Variants in PLCB2 observed in about 807,000 individuals in gnomAD.
The protein encoded by PLCB2 is 1-phosphatidylinositol 4,5-bisphosphate phosphodiesterase beta-2.
In PLCB2, 115 loss-of-function variants were observed where a neutral mutation model predicts 141.7. That is an observed-to-expected ratio of 0.81 (90% confidence interval 0.70 to 0.95). The LOEUF (loss-of-function observed/expected upper bound fraction) is 0.95, where lower values mean the gene tolerates loss of function less well. Among genes scored for constraint, PLCB2 ranks in the 40% least tolerant of loss-of-function variants. The pLI, the probability that PLCB2 is intolerant of heterozygous loss-of-function variation, is 0.00. For synonymous variants in PLCB2, 603 were observed against 595.6 expected, an observed-to-expected ratio of 1.01 and a Z score of -0.18; for missense variants, 1,403 against 1,541.1, an observed-to-expected ratio of 0.91 and a Z score of 1.50.
Position 40,297,479 on chromosome 15 carries a change from C to T in PLCB2, c.1323+42G>A, listed in dbSNP as rs777597910. ...CTGGTTCTCACCCTGCCCCAGGTTCCCAGGCCCAAGGCTCAAATGTCCCAC... is the reference window on the plus strand; with the variant it reads ...CTGGTTCTCACCCTGCCCCAGGTTCTCAGGCCCAAGGCTCAAATGTCCCAC... On this transcript the variant is annotated intron_variant, in intron 13 of 31. Transcript: ENST00000260402. The surrounding 1 kb of genome is among the most constrained non-coding windows in gnomAD (Gnocchi z 4.2). 1.2e-5 allele frequency: 18 copies of T among 1,507,678 alleles called. No individual in the cohort carries two copies. The highest frequency in any genetic ancestry group is 2.2e-5 in the South Asian group (2 of 88,952). The allele number at this position is 1,507,678 out of a possible 1,614,324, so 93.4% of individuals were successfully genotyped here. A position where few individuals can be genotyped will look rare whatever the true frequency, so the allele number is the denominator to read the frequency against.
At chr15:40,303,890 G>C in intron 2 of PLCB2, 111 bp downstream of exon 2, 1 of 733,780 alleles carries the variant, frequency 1.4e-6, no homozygotes. Context: ...ACCCTTCCAG[G>C]CCATTCTGTA....
At chr15:40,300,749 G>C (rs1005594749) in intron 7 of PLCB2, 5 of 152,048 alleles carry the variant, frequency 3.3e-5, no homozygotes, top group Non-Finnish European at 5.9e-5. Context: ...GTGGTATTCA[G>C]GGATTCTGCA....
rs148678701 is a variant in PLCB2, at chr15:40,289,591, C to T, written c.3268-233G>A. On this transcript the variant is annotated intron_variant, in intron 30 of 31. Transcript: ENST00000260402. ...GCAGAGTGCCTGGCACAGGTCAGGACCCAGTAGGTGGCAGCTGTGTTCTGT... is the reference window on the plus strand; with the variant it reads ...GCAGAGTGCCTGGCACAGGTCAGGATCCAGTAGGTGGCAGCTGTGTTCTGT... The T allele has an allele frequency of 8.1e-4, 463 of 571,608 alleles. 3 individuals carry two copies. The highest frequency in any genetic ancestry group is 8.0e-3 in the African/African-American group (426 of 53,380). 35.4% of individuals were successfully genotyped at this position (571,608 alleles called of 1,614,324 possible).
At chr15:40,285,410 C>T, downstream of PLCB2, 1 of 522,330 alleles carries the variant, frequency 1.9e-6, no homozygotes, top group African/African-American at 2.1e-5. Flanking sequence ...TGATAAATAC[C>T]AGCCCTGCCT....
chr15:40,299,882 A>G (rs907153620), intron 7 of PLCB2, among the ~76,000 whole-genome samples: 1 of 152,262 alleles, frequency 6.6e-6, no homozygotes, highest in African/African-American at 2.4e-5. Flanking sequence ...GGATTTGGAC[A>G]GGTATTTCTC....
At chr15:40,295,934 G>T (rs998192261) in intron 16 of PLCB2, among the ~76,000 whole-genome samples, 8 of 152,182 alleles carry the variant, frequency 5.3e-5, no homozygotes, top group African/African-American at 1.9e-4. Context: ...GTATGCTCTG[G>T]TGGTTTTCTC....
chr15:40,292,026 T>C (rs1465808427), intron 23 of PLCB2, 38 bp downstream of exon 23: 5 of 1,604,150 alleles, frequency 3.1e-6, no homozygotes, highest in South Asian at 1.1e-5. Context: ...AGGGCTAATC[T>C]CTGGTGAGCC....
chr15:40,299,161 G>A lies in PLCB2; in HGVS notation c.650C>T (p.Pro217Leu). Residue 217 changes from proline to leucine, a missense_variant, in exon 8 of 32, where the codon CCT becomes CTT. Coordinates refer to ENST00000260402, the MANE Select transcript of PLCB2 (RefSeq NM_004573.3). ...GAAGATCTCATCTATTTCTGGCCGA[G>A]GACAGAGGCTCATGAGGAAACTCTT... ...VYKSFLMSLC[P>L]RPEIDEIFTS... 1.2e-6 allele frequency: 2 copies of A among 1,613,658 alleles called. No homozygotes were observed. Among genetic ancestry groups the A allele is most frequent in the Non-Finnish European group, 8.5e-7 (1 of 1,179,686 alleles).
In PLCB2 at chr15:40,298,224, T is replaced by C. The variant is rs769251460; in HGVS notation, c.1154A>G (p.Lys385Arg). The change falls in exon 11 of 32, where the codon AAA (lysine) becomes AGA (arginine). Residue 385 changes from lysine to arginine, a missense_variant and splice_region_variant. Around this residue, in one of 4 missense-constraint regions of PLCB2, gnomAD observed 975 missense variants for 1,141.1 expected, o/e 0.85. Transcript: ENST00000260402. ...CAGCCTCTGTGCCCAGGGTCTCACT[T>C]TGAAGAAGATGTCTGTGGTCATGGT... is the stretch of plus-strand genomic sequence containing the variant. Reference protein sequence around the residue: ...GFTMTTDIFFKEAIEAIAESA... With the variant: ...GFTMTTDIFFREAIEAIAESA... The C allele has an allele frequency of 1.9e-6, 3 of 1,550,220 alleles. No homozygotes were observed. The highest frequency in any genetic ancestry group is 2.6e-6 in the Non-Finnish European group (3 of 1,145,892).
At chr15:40,294,099 TGAG>T (rs1347931849) in intron 19 of PLCB2, among the ~76,000 whole-genome samples, 164 bp downstream of exon 19, 2 of 152,090 alleles carry the variant, frequency 1.3e-5, no homozygotes, top group African/African-American at 2.4e-5. Context: ...CCTCCAGTGC[TGAG>T]GAGGAGGCAG....
downstream of PLCB2, among the ~76,000 whole-genome samples, chr15:40,287,299 G>A (rs1242166888): frequency 6.6e-6 from 1 of 152,176 alleles, no homozygotes; most frequent in Admixed American, 6.5e-5. Flanking sequence ...GCAGGGTGGG[G>A]GCAGGAGGAC....
chr15:40,295,852 T>A (rs1282118761), intron 16 of PLCB2, among the ~76,000 whole-genome samples: 1 of 152,152 alleles, frequency 6.6e-6, no homozygotes, highest in African/African-American at 2.4e-5. Context: ...AGCAACGTAC[T>A]GTGCTTGTGT....
In PLCB2 at chr15:40,302,741, A is replaced by G. The variant is rs57481256; in HGVS notation, c.232-132T>C. ...GAACCCCATCCCCATCCCAGGAACC[A>G]CAGGCCTTAGCATCTTCCTGTCCCT... On this transcript the variant is annotated intron_variant, in intron 3 of 31. Coordinates refer to ENST00000260402, the MANE Select transcript of PLCB2 (RefSeq NM_004573.3). The G allele has an allele frequency of 4.2e-3, 4,062 of 963,006 alleles. 107 individuals are homozygous for G. The African/African-American group carries it at 0.06, about 14-fold the overall frequency. 59.7% of individuals were successfully genotyped at this position (963,006 alleles called of 1,614,324 possible).
rs2141101772 is a variant in PLCB2, at chr15:40,296,513, C to T, written c.1599+9G>A. On this transcript the variant is annotated intron_variant, in intron 15 of 31. Transcript: ENST00000260402. The stretch of plus-strand genomic sequence containing the variant: ...TGACACAGAGGGGCCTGGGGCTACC[C>T]CCACACACCTCATCCGACTGCATCT... The T allele has an allele frequency of 1.2e-6, 2 of 1,613,978 alleles. No individual in the cohort carries two copies. Among genetic ancestry groups the T allele is most frequent in the Admixed American group, 1.7e-5 (1 of 60,014 alleles).
At chr15:40,301,588 G>A (rs1383455708) in intron 7 of PLCB2, 7 of 702,808 alleles carry the variant, frequency 1.0e-5, no homozygotes, top group East Asian at 2.7e-5. Context: ...TGCCACTGCC[G>A]ACCTTATCTC....
At chr15:40,305,343 C>G (rs912796108) in intron 1 of PLCB2, among the ~76,000 whole-genome samples, 44 of 152,174 alleles carry the variant, frequency 2.9e-4, no homozygotes, top group Admixed American at 2.8e-3. Context: ...TCTCCCTCCC[C>G]TTTCCCCCCA....
In PLCB2 at chr15:40,307,655, A is replaced by T; in HGVS notation, c.18T>A (p.Pro6=). 1 of 1,570,890 alleles carries T rather than the reference A, an allele frequency of 6.4e-7. No homozygotes were observed. Among genetic ancestry groups the T allele is most frequent in the Non-Finnish European group, 8.6e-7 (1 of 1,156,430 alleles). MSLLN[P]VLLPPKVKAY... Reference sequence around the variant, plus strand: ...CCTTCACCTTGGGGGGCAGCAGGACAGGGTTGAGCAGAGACATGGTGCCAA... The same window carrying T: ...CCTTCACCTTGGGGGGCAGCAGGACTGGGTTGAGCAGAGACATGGTGCCAA... The change falls in exon 1 of 32, where the codon CCT becomes CCA. Residue 6 remains proline (P), a synonymous_variant. Transcript: ENST00000260402.
rs759518521 is a variant in PLCB2, at chr15:40,289,269, T to C, written c.3354+3A>G. On this transcript the variant is annotated splice_donor_region_variant and intron_variant, in intron 31 of 31. Coordinates refer to ENST00000260402, the MANE Select transcript of PLCB2 (RefSeq NM_004573.3). ...CTGGGGGTCCCAGTAGTGAACCTGT[T>C]ACCTGCTTTTCCATCTCCCGTATCT... The C allele has an allele frequency of 1.2e-6, 2 of 1,612,320 alleles. No individual in the cohort carries two copies. The highest frequency in any genetic ancestry group is 4.5e-5 in the East Asian group (2 of 44,870).
downstream of PLCB2, chr15:40,284,624 G>C: frequency 2.2e-6 from 1 of 451,496 alleles, no homozygotes; most frequent in Non-Finnish European, 4.4e-6. Flanking sequence ...GGCGGATCAC[G>C]AGATCAAGGG....
Sources: allele counts gnomAD v4.1 joint callset (sites outside exome capture counted in the v4.1 genomes callset), GRCh38; gene constraint gnomAD v4.1.1; regional missense constraint gnomAD v4.1.1; non-coding constraint Gnocchi (gnomAD v3.1); transcripts MANE v1.5; gene names NCBI Gene and HGNC (gene_info 2026-07-23, HGNC 2026-07-21).